Variants in CHSY1 observed in about 807,000 individuals in gnomAD.
CHSY1 encodes chondroitin sulfate synthase 1.
CHSY1 carries 13 observed loss-of-function variants against 59.8 expected under a neutral mutation model. That is an observed-to-expected ratio of 0.22 (90% confidence interval 0.14 to 0.35). The LOEUF (loss-of-function observed/expected upper bound fraction) is 0.35, where lower values mean the gene tolerates loss of function less well. Among genes scored for constraint, CHSY1 ranks in the 10% least tolerant of loss-of-function variants. The pLI is 1.00. For missense variants in CHSY1, 947 were observed against 1,030.6 expected, an observed-to-expected ratio of 0.92 and a Z score of 1.11; for synonymous variants, 459 against 401.2, an observed-to-expected ratio of 1.14 and a Z score of -1.72.
intron 2 of CHSY1, among the ~76,000 whole-genome samples, chr15:101,219,710 A>C (rs1364530293): frequency 6.6e-6 from 1 of 152,174 alleles, no homozygotes; most frequent in Non-Finnish European, 1.5e-5. Flanking sequence ...TCAGCAGAGA[A>C]AAAAGTTTCC....
chr15:101,183,291 G>C (rs530501205), intron 2 of CHSY1, among the ~76,000 whole-genome samples: 1 of 152,114 alleles, frequency 6.6e-6, no homozygotes, highest in South Asian at 2.1e-4. Flanking sequence ...AGTATAAAAA[G>C]TACAGTATAA....
chr15:101,205,102 T>G (rs1339600112), intron 2 of CHSY1, among the ~76,000 whole-genome samples: 3 of 152,388 alleles, frequency 2.0e-5, no homozygotes, highest in Non-Finnish European at 4.4e-5. Context: ...GTTTTTCCTC[T>G]GTAATCTATT....
intron 2 of CHSY1, among the ~76,000 whole-genome samples, chr15:101,223,411 T>C (rs2038810077): frequency 6.6e-6 from 1 of 152,246 alleles, no homozygotes; most frequent in African/African-American, 2.4e-5. Context: ...ATGTGTGAAA[T>C]CATCAATTAC....
chr15:101,199,273 G>A (rs1055624101), intron 2 of CHSY1, among the ~76,000 whole-genome samples: 6 of 152,222 alleles, frequency 3.9e-5, no homozygotes, highest in Non-Finnish European at 8.8e-5. Context: ...GGAGGCCGAG[G>A]TGGGTGGATC....
At chr15:101,236,629 G>T (rs2038946209) in intron 1 of CHSY1, among the ~76,000 whole-genome samples, 1 of 152,036 alleles carries the variant, frequency 6.6e-6, no homozygotes, top group Non-Finnish European at 1.5e-5. Context: ...AGACCATCCT[G>T]TCTAACACGG....
intron 2 of CHSY1, among the ~76,000 whole-genome samples, chr15:101,222,963 C>T (rs1380610232): frequency 5.3e-5 from 8 of 152,162 alleles, no homozygotes; most frequent in Admixed American, 6.5e-5. Context: ...TTAAAATGAG[C>T]ATAAAAACCA....
At chr15:101,199,614 C>T (rs1026774305) in intron 2 of CHSY1, among the ~76,000 whole-genome samples, 1 of 152,162 alleles carries the variant, frequency 6.6e-6, no homozygotes, top group African/African-American at 2.4e-5. Context: ...TTAGATGTGA[C>T]ATGTATTTTA....
chr15:101,245,411 C>T (rs2039040773), intron 1 of CHSY1, among the ~76,000 whole-genome samples: 1 of 152,214 alleles, frequency 6.6e-6, no homozygotes, highest in Admixed American at 6.5e-5. Context: ...CTTGATCCAT[C>T]ACCCACTGGG....
chr15:101,245,616 G>GA (rs769302182), intron 1 of CHSY1, among the ~76,000 whole-genome samples: 1 of 152,132 alleles, frequency 6.6e-6, no homozygotes, highest in Non-Finnish European at 1.5e-5. Context: ...CGGTGCAATG[G>GA]AAACAGTCAC....
Position 101,178,080 on chromosome 15 carries a change from T to C in CHSY1, c.1717A>G (p.Asn573Asp), listed in dbSNP as rs139276897. The change falls in exon 3 of 3, where the codon AAT (asparagine) becomes GAT (aspartate). Residue 573 changes from asparagine (N) to aspartate (D), a missense_variant. Coordinates refer to ENST00000254190, the MANE Select transcript of CHSY1 (RefSeq NM_014918.5). ...GCCTTGTCAGGGTTGGAGTCAGAAT[T>C]GAAAAGCAGAACCACGAGCTTGACG... Reference protein sequence around the residue: ...QNVKLVVLLFNSDSNPDKAKQ... With the variant: ...QNVKLVVLLFDSDSNPDKAKQ... The C allele has an allele frequency of 1.2e-6, 2 of 1,614,150 alleles. No individual in the cohort carries two copies. Among genetic ancestry groups the C allele is most frequent in the Non-Finnish European group, 1.7e-6 (2 of 1,180,012 alleles).
At chr15:101,188,973 G>A (rs2141245518) in intron 2 of CHSY1, among the ~76,000 whole-genome samples, 1 of 152,270 alleles carries the variant, frequency 6.6e-6, no homozygotes, top group East Asian at 1.9e-4. Flanking sequence ...GGCAGACGTG[G>A]CAGCATGATG....
chr15:101,236,527 A>G (rs1596453111), intron 1 of CHSY1, among the ~76,000 whole-genome samples: 1 of 151,550 alleles, frequency 6.6e-6, no homozygotes, highest in South Asian at 2.1e-4. Flanking sequence ...AGTCCATTAA[A>G]CCTCTGTTTC....
chr15:101,179,014 G>C, intron 2 of CHSY1, 34 bp from the exon 3 acceptor site: 1 of 1,604,584 alleles, frequency 6.2e-7, no homozygotes, highest in South Asian at 1.1e-5. Context: ...CACAAATTTA[G>C]TATTGTATGA....
chr15:101,213,005 A>T (rs1381247375), intron 2 of CHSY1, among the ~76,000 whole-genome samples: 1 of 152,228 alleles, frequency 6.6e-6, no homozygotes, highest in African/African-American at 2.4e-5. Flanking sequence ...AAAAAATAGG[A>T]AGGTGAAATT....
At chr15:101,249,380 G>A (rs1317927412) in intron 1 of CHSY1, among the ~76,000 whole-genome samples, 1 of 127,286 alleles carries the variant, frequency 7.9e-6, no homozygotes, top group Non-Finnish European at 1.5e-5. Flanking sequence ...CTGTTTCTCT[G>A]GTCAAAAAAA....
At position 101,251,166 on chromosome 15, in the gene CHSY1, G is replaced by A. The variant is rs757377410; in HGVS notation, c.291C>T (p.Tyr97=). Residue 97 remains tyrosine (Y), a synonymous_variant, in exon 1 of 3, where the codon TAC becomes TAT. Coordinates refer to ENST00000254190, the MANE Select transcript of CHSY1 (RefSeq NM_014918.5). ...LFVGVMTAQK[Y]LQTRAVAAYR... ...AGGCGGCCACGGCCCGAGTCTGCAG[G>A]TATTTCTGGGCGGTCATGACTCCCA... The A allele has an allele frequency of 5.6e-6, 9 of 1,596,976 alleles. No homozygotes were observed. In the East Asian group the frequency reaches 1.1e-4, roughly 20 times the overall value.
chr15:101,235,005 T>C, intron 2 of CHSY1, 77 bp downstream of exon 2: 3 of 1,566,690 alleles, frequency 1.9e-6, no homozygotes, highest in African/African-American at 1.3e-5. Context: ...CATCTCTAGT[T>C]TCCTATGATA....
chr15:101,176,318 A>AT lies in CHSY1; in HGVS notation c.*1069dup. ...TCTCCACCCACATAACACAGACAGG[A>AT]TGAAAGGAACAAAACCAAATACATT... On this transcript the variant is annotated 3_prime_UTR_variant, in exon 3 of 3. Transcript: ENST00000254190. The AT allele has an allele frequency of 2.5e-6, 1 of 398,604 alleles. No homozygotes were observed. Among genetic ancestry groups the AT allele is most frequent in the Non-Finnish European group, 4.4e-6 (1 of 226,054 alleles). 24.7% of individuals were successfully genotyped at this position (398,604 alleles called of 1,614,324 possible). A position where few individuals can be genotyped will look rare whatever the true frequency, so the allele number is the denominator to read the frequency against.
rs1186446529 is a variant in CHSY1 at position 101,251,192 on chromosome 15, C to A, written c.265G>T (p.Val89Leu). 4.4e-6 allele frequency: 7 copies of A among 1,600,736 alleles called. No individual in the cohort carries two copies. The African/African-American group carries it at 9.4e-5, about 21-fold the overall frequency. ...TATTTCTGGGCGGTCATGACTCCCA[C>A]GAAGAGAAAGTTCCTGTCGCGCGGG... ...GGPRDRNFLF[V>L]GVMTAQKYLQ... The change falls in exon 1 of 3, where the codon GTG becomes TTG. Residue 89 changes from valine to leucine, a missense_variant. Val to Leu is a conservative substitution (Grantham distance 32). Coordinates refer to ENST00000254190, the MANE Select transcript of CHSY1 (RefSeq NM_014918.5).
Sources: gnomAD v4.1 joint callset for allele counts (sites outside exome capture counted in the v4.1 genomes callset) on GRCh38, gnomAD v4.1.1 for gene constraint, MANE v1.5 for transcripts, NCBI Gene and HGNC (gene_info 2026-07-23, HGNC 2026-07-21) for gene names.